Variants in THSD4 observed in about 807,000 individuals in gnomAD.
THSD4 encodes the protein thrombospondin type-1 domain-containing protein 4.
A neutral mutation model predicts 119.0 loss-of-function variants in THSD4; 69 were observed. The observed-to-expected ratio is 0.58, with a 90% CI of 0.48 to 0.71. THSD4 has a LOEUF of 0.71. THSD4 is among the 30% of genes least tolerant of loss of function. The pLI, the probability that THSD4 is intolerant of heterozygous loss-of-function variation, is 0.00. For missense variants in THSD4, 1,393 were observed against 1,391.1 expected, an observed-to-expected ratio of 1.00 and a Z score of -0.02; for synonymous variants, 524 against 540.4, an observed-to-expected ratio of 0.97 and a Z score of 0.42.
chr15:71,262,146 G>A (rs1371323273), intron 6 of THSD4, among the ~76,000 whole-genome samples: 1 of 152,188 alleles, frequency 6.6e-6, no homozygotes, highest in African/African-American at 2.4e-5. Context: ...ACATAGAATA[G>A]TAAAAGCGGA....
intron 7 of THSD4, among the ~76,000 whole-genome samples, chr15:71,476,174 C>G (rs559261290): frequency 6.6e-6 from 1 of 152,290 alleles, no homozygotes; most frequent in African/African-American, 2.4e-5. Flanking sequence ...AGAAGTATAG[C>G]TGGGATAATT....
chr15:71,457,671 C>T (rs908355176), intron 7 of THSD4, among the ~76,000 whole-genome samples: 5 of 152,168 alleles, frequency 3.3e-5, no homozygotes, highest in African/African-American at 9.7e-5. Context: ...TTACCAGGCT[C>T]ACTCATTCAC....
intron 7 of THSD4, among the ~76,000 whole-genome samples, chr15:71,582,454 C>T (rs535826836): frequency 4.7e-4 from 71 of 151,998 alleles, no homozygotes; most frequent in Admixed American, 8.5e-4. Context: ...TTTTTCCTTT[C>T]GAATTTGGAT....
At chr15:71,551,320 C>T (rs1405546912) in intron 7 of THSD4, among the ~76,000 whole-genome samples, 1 of 152,134 alleles carries the variant, frequency 6.6e-6, no homozygotes, top group Non-Finnish European at 1.5e-5. Flanking sequence ...ATTTGATGAG[C>T]TTATACTCTA....
intron 6 of THSD4, among the ~76,000 whole-genome samples, chr15:71,385,446 C>T (rs2046283155): frequency 6.6e-6 from 1 of 152,124 alleles, no homozygotes; most frequent in Non-Finnish European, 1.5e-5. Flanking sequence ...TCGGGTAGCC[C>T]TCAGAAGCAG....
intron 7 of THSD4, among the ~76,000 whole-genome samples, chr15:71,421,612 C>T (rs2046808568): frequency 6.6e-6 from 1 of 152,016 alleles, no homozygotes; most frequent in African/African-American, 2.4e-5. Flanking sequence ...TTGCTTTGAC[C>T]TTTGAGAGTT....
intron 6 of THSD4, among the ~76,000 whole-genome samples, chr15:71,366,627 T>G (rs1166929672): frequency 6.6e-6 from 1 of 152,188 alleles, no homozygotes. Flanking sequence ...TCAGTCACTT[T>G]CTCATGGAAT....
intron 7 of THSD4, among the ~76,000 whole-genome samples, chr15:71,630,575 C>T (rs907216878): frequency 6.6e-6 from 1 of 152,090 alleles, no homozygotes; most frequent in Non-Finnish European, 1.5e-5. Context: ...GGTTTTTCCC[C>T]ATCTATTCAA....
At chr15:71,665,134 C>T (rs1276734426) in intron 8 of THSD4, among the ~76,000 whole-genome samples, 1 of 152,186 alleles carries the variant, frequency 6.6e-6, no homozygotes, top group Non-Finnish European at 1.5e-5. Context: ...GTTTCCTTTT[C>T]TCCATAACCT....
chr15:71,556,406 GTA>G (rs1333834300), intron 7 of THSD4, among the ~76,000 whole-genome samples: 4 of 151,688 alleles, frequency 2.6e-5, no homozygotes, highest in Non-Finnish European at 5.9e-5. Context: ...TAAATTATGT[GTA>G]TGTTTTTCTA....
At chr15:71,638,008 T>A (rs1249911574) in intron 7 of THSD4, among the ~76,000 whole-genome samples, 1 of 152,172 alleles carries the variant, frequency 6.6e-6, no homozygotes, top group Non-Finnish European at 1.5e-5. Context: ...ATTACAGGTG[T>A]GAGCCGCTGT....
chr15:71,682,639 A>G (rs1258531614), intron 8 of THSD4, among the ~76,000 whole-genome samples: 1 of 149,384 alleles, frequency 6.7e-6, no homozygotes, highest in Admixed American at 6.7e-5. Context: ...GAGAAGGTAG[A>G]TTTCTTCCTA....
At chr15:71,656,639 C>A (rs1346645005) in intron 7 of THSD4, among the ~76,000 whole-genome samples, 1 of 152,194 alleles carries the variant, frequency 6.6e-6, no homozygotes, top group Non-Finnish European at 1.5e-5. Flanking sequence ...AAAGCTAGAA[C>A]CCTCAACACG....
intron 7 of THSD4, among the ~76,000 whole-genome samples, chr15:71,502,170 A>G (rs1252998920): frequency 6.6e-6 from 1 of 152,252 alleles, no homozygotes; most frequent in Non-Finnish European, 1.5e-5. Flanking sequence ...CATGGTGGTT[A>G]GAGTTGATAT....
chr15:71,716,581 T>TGTGTGTGTGTGTGTG (rs1567116002), intron 8 of THSD4, among the ~76,000 whole-genome samples: 6 of 43,328 alleles, frequency 1.4e-4, no homozygotes, highest in South Asian at 2.0e-3. Flanking sequence ...TGTGTGTGTG[T>TGTGTGTGTGTGTGTG]TGGTTTTTGT....
chr15:71,230,455 G>A (rs545023547), intron 4 of THSD4, among the ~76,000 whole-genome samples: 129 of 152,350 alleles, frequency 8.5e-4, no homozygotes, highest in African/African-American at 2.9e-3. Flanking sequence ...CAGTGCAGCC[G>A]TCACGGTAAC....
intron 7 of THSD4, among the ~76,000 whole-genome samples, chr15:71,619,459 C>T (rs917520282): frequency 3.3e-5 from 5 of 152,160 alleles, no homozygotes; most frequent in Non-Finnish European, 7.3e-5. Context: ...TCGGAAGGGG[C>T]AGAGGCACCG....
At chr15:71,387,312 A>G (rs1442199148) in intron 6 of THSD4, among the ~76,000 whole-genome samples, 2 of 152,068 alleles carry the variant, frequency 1.3e-5, no homozygotes, top group Admixed American at 1.3e-4. Context: ...TCTGCTCAGG[A>G]TGCTGTGATT....
intron 6 of THSD4, among the ~76,000 whole-genome samples, chr15:71,355,087 C>A (rs1428610636): frequency 1.3e-5 from 2 of 152,172 alleles, no homozygotes; most frequent in African/African-American, 4.8e-5. Context: ...TAATGCTGAC[C>A]GTGAGTCAAG....
Sources: gnomAD v4.1 joint callset for allele counts (sites outside exome capture counted in the v4.1 genomes callset) on GRCh38, gnomAD v4.1.1 for gene constraint, MANE v1.5 for transcripts, NCBI Gene and HGNC (gene_info 2026-07-23, HGNC 2026-07-21) for gene names.